Variants in MKLN1 observed in about 807,000 individuals in gnomAD.
MKLN1 encodes the protein muskelin.
In MKLN1, 18 loss-of-function variants were observed where a neutral mutation model predicts 99.0. The observed-to-expected ratio is 0.18, with a 90% confidence interval of 0.13 to 0.27. The LOEUF (loss-of-function observed/expected upper bound fraction) is 0.27, where lower values mean the gene tolerates loss of function less well. Among genes scored for constraint, MKLN1 ranks in the 10% least tolerant of loss-of-function variants. The pLI, the probability that MKLN1 is intolerant of heterozygous loss-of-function variation, is 1.00. For synonymous variants in MKLN1, 288 were observed against 293.2 expected (o/e 0.98, Z 0.18); for missense variants, 621 against 875.9 (o/e 0.71, Z 3.67).
intron 2 of MKLN1, among the ~76,000 whole-genome samples, chr7:131,377,582 G>GA (rs749891731): frequency 2.4e-4 from 37 of 151,846 alleles, no homozygotes; most frequent in Admixed American, 4.6e-4. Context: ...GATCTTTTCT[G>GA]AAAAAAGGAA....
At position 131,483,071 on chromosome 7, in the gene MKLN1, A is replaced by G. The variant is rs559064496; in HGVS notation, c.2086+4394A>G. Among the ~76,000 whole-genome samples, 11 of 152,346 alleles carry G rather than the reference A, an allele frequency of 7.2e-5. No individual in the cohort carries two copies. The South Asian group carries it at 2.3e-3, about 32-fold the overall frequency. ...TGAGCTTTACCAGTTTCCACTGCTC[A>G]AATGGTTACTTCCTCTTTCCATTTT... On this transcript the variant is annotated intron_variant, in intron 17 of 17. Coordinates refer to ENST00000352689, the MANE Select transcript of MKLN1 (RefSeq NM_013255.5).
intron 3 of MKLN1, among the ~76,000 whole-genome samples, chr7:131,227,517 C>CTTTCTTTCTTTCTTTCTTTCTT (rs1797173413): frequency 7.4e-6 from 1 of 134,950 alleles, no homozygotes; most frequent in African/African-American, 2.8e-5. Flanking sequence ...TTCTTTCTTT[C>CTTTCTTTCTTTCTTTCTTTCTT]TTTCTTTCTT....
chr7:131,168,517 C>T (rs186355220), intron 2 of MKLN1, among the ~76,000 whole-genome samples: 60 of 152,312 alleles, frequency 3.9e-4, no homozygotes, highest in African/African-American at 1.4e-3. Flanking sequence ...CTACCCCTGT[C>T]CCCACTGGTA....
chr7:131,475,439 C>A (rs1796937185), intron 16 of MKLN1, among the ~76,000 whole-genome samples: 1 of 152,132 alleles, frequency 6.6e-6, no homozygotes, highest in Non-Finnish European at 1.5e-5. Context: ...GAAAAAAATA[C>A]AATTTTACAT....
intron 2 of MKLN1, among the ~76,000 whole-genome samples, chr7:131,380,050 ACTC>A (rs1450975132): frequency 2.3e-4 from 10 of 43,330 alleles, no homozygotes; most frequent in Non-Finnish European, 3.0e-4. Flanking sequence ...AGGGTGGTAG[ACTC>A]CTCTTGCTCT....
chr7:131,225,743 C>T (rs2116462302), intron 3 of MKLN1, among the ~76,000 whole-genome samples: 1 of 152,264 alleles, frequency 6.6e-6, no homozygotes, highest in South Asian at 2.1e-4. Context: ...GGGTCTTTGC[C>T]AGGAAAACCT....
chr7:131,328,116 G>C, intron 1 of MKLN1, 119 bp downstream of exon 1: 1 of 1,246,622 alleles, frequency 8.0e-7, no homozygotes, highest in Non-Finnish European at 1.1e-6. Context: ...TGAGGGGGAC[G>C]TGCGGCCTCC....
chr7:131,271,131 G>A (rs1245410077), intron 3 of MKLN1, among the ~76,000 whole-genome samples: 4 of 152,134 alleles, frequency 2.6e-5, no homozygotes, highest in Admixed American at 6.5e-5. Flanking sequence ...ACAGTACAAC[G>A]TGATGAATGT....
intron 2 of MKLN1, among the ~76,000 whole-genome samples, chr7:131,148,664 T>C (rs947133941): frequency 6.6e-6 from 1 of 152,072 alleles, no homozygotes; most frequent in Non-Finnish European, 1.5e-5. Flanking sequence ...TCCCAGCTAC[T>C]TGGGAGGCTG....
intron 3 of MKLN1, among the ~76,000 whole-genome samples, chr7:131,295,708 A>C (rs1798280800): frequency 6.6e-6 from 1 of 151,984 alleles, no homozygotes; most frequent in South Asian, 2.1e-4. Context: ...ACACAGCAAG[A>C]CCTCGTCTCT....
intron 8 of MKLN1, among the ~76,000 whole-genome samples, chr7:131,416,525 C>CTT (rs71529704): frequency 0.024 from 3,530 of 144,460 alleles, 48 homozygotes; most frequent in Non-Finnish European, 0.033. Context: ...ATTTTTCTTT[C>CTT]TTTTTTTTTT....
At chr7:131,336,011 A>G (rs1364900449) in intron 1 of MKLN1, among the ~76,000 whole-genome samples, 3 of 144,396 alleles carry the variant, frequency 2.1e-5, no homozygotes, top group Non-Finnish European at 3.0e-5. Context: ...CTTTTTTTCT[A>G]TTCATTACAG....
At chr7:131,479,654 A>G (rs1329100831) in intron 17 of MKLN1, among the ~76,000 whole-genome samples, 2 of 151,756 alleles carry the variant, frequency 1.3e-5, no homozygotes, top group East Asian at 3.9e-4. Context: ...GTGAAACCCC[A>G]TCTCTACTAA....
chr7:131,437,461 A>G (rs1290238517), intron 9 of MKLN1, among the ~76,000 whole-genome samples: 1 of 152,216 alleles, frequency 6.6e-6, no homozygotes, highest in Admixed American at 6.5e-5. Context: ...ACAAATGACT[A>G]AAATGCAGTG....
At chr7:131,297,792 G>A (rs563721838) in intron 3 of MKLN1, among the ~76,000 whole-genome samples, 1 of 152,166 alleles carries the variant, frequency 6.6e-6, no homozygotes, top group Non-Finnish European at 1.5e-5. Flanking sequence ...ATTGCAACTA[G>A]AAGTGTGAAT....
intron 3 of MKLN1, among the ~76,000 whole-genome samples, chr7:131,304,421 T>C (rs1358067831): frequency 1.3e-5 from 2 of 152,190 alleles, no homozygotes; most frequent in East Asian, 1.9e-4. Context: ...TGGTTGAGAA[T>C]TGGGGACTTG....
intron 2 of MKLN1, among the ~76,000 whole-genome samples, chr7:131,386,345 A>G (rs1355289735): frequency 6.6e-6 from 1 of 152,130 alleles, no homozygotes; most frequent in Non-Finnish European, 1.5e-5. Context: ...ATGTTGGATC[A>G]GTTTTTATCC....
intron 16 of MKLN1, 195 bp from the exon 17 acceptor site, chr7:131,478,428 C>A: frequency 2.3e-6 from 1 of 439,674 alleles, no homozygotes; most frequent in Admixed American, 4.2e-5. Context: ...TGATAATAGC[C>A]TAGTAGAAAA....
intron 3 of MKLN1, among the ~76,000 whole-genome samples, chr7:131,212,465 T>C (rs980707186): frequency 1.3e-5 from 2 of 152,230 alleles, no homozygotes; most frequent in Admixed American, 6.5e-5. Flanking sequence ...TGCTGTGTCT[T>C]CTAGAAACAC....
Sources: allele counts gnomAD v4.1 joint callset (sites outside exome capture counted in the v4.1 genomes callset), GRCh38; gene constraint gnomAD v4.1.1; transcripts MANE v1.5; gene names NCBI Gene and HGNC (gene_info 2026-07-23, HGNC 2026-07-21).